ZNF474: variants seen among roughly 807,000 people sequenced by gnomAD.
The protein encoded by ZNF474 is zinc finger protein 474, also known as 4933409D10Rik.
For synonymous variants in ZNF474, 192 were observed against 162.2 expected, an observed-to-expected ratio of 1.18 and a Z score of -1.39; for missense variants, 511 against 433.8, an observed-to-expected ratio of 1.18 and a Z score of -1.58.
chr5:122,150,724 T>C (rs1436827184), intron 1 of ZNF474, among the ~76,000 whole-genome samples: 2 of 152,206 alleles, frequency 1.3e-5, no homozygotes, highest in African/African-American at 4.8e-5. Context: ...AATATACAAA[T>C]TTAAGATTCT....
At chr5:122,133,893 A>G (rs1755637523) in intron 1 of ZNF474, among the ~76,000 whole-genome samples, 1 of 152,178 alleles carries the variant, frequency 6.6e-6, no homozygotes, top group Non-Finnish European at 1.5e-5. Flanking sequence ...CTTATCTATT[A>G]TTTCTAAGAG....
At chr5:122,146,233 C>A (rs891681722) in intron 1 of ZNF474, among the ~76,000 whole-genome samples, 2 of 152,112 alleles carry the variant, frequency 1.3e-5, no homozygotes, top group African/African-American at 4.8e-5. Flanking sequence ...GTACCCATAT[C>A]ATAAAGCTAA....
chr5:122,148,563 A>G (rs939009932), intron 1 of ZNF474, among the ~76,000 whole-genome samples: 4 of 152,032 alleles, frequency 2.6e-5, no homozygotes, highest in African/African-American at 9.7e-5. Context: ...GACAGACAAA[A>G]CACATCATTC....
intron 1 of ZNF474, among the ~76,000 whole-genome samples, chr5:122,143,923 T>C (rs1755917719): frequency 6.6e-6 from 1 of 152,198 alleles, no homozygotes; most frequent in Non-Finnish European, 1.5e-5. Context: ...CTCCAAAAAG[T>C]TTAGGTGATC....
At chr5:122,147,390 T>C (rs1194122262) in intron 1 of ZNF474, among the ~76,000 whole-genome samples, 3 of 152,240 alleles carry the variant, frequency 2.0e-5, no homozygotes, top group Admixed American at 2.0e-4. Context: ...GATTTTTTTA[T>C]ATACTTTAAG....
intron 1 of ZNF474, among the ~76,000 whole-genome samples, chr5:122,135,795 G>T (rs1755685265): frequency 6.6e-6 from 1 of 152,120 alleles, no homozygotes; most frequent in South Asian, 2.1e-4. Flanking sequence ...ATACTCAATG[G>T]AATATTATTC....
Position 122,151,818 on chromosome 5 carries a change from A to T in ZNF474, c.-173A>T, listed in dbSNP as rs1404305093. On this transcript the variant is annotated 5_prime_UTR_variant, in exon 2 of 2. Coordinates refer to ENST00000296600, the MANE Select transcript of ZNF474 (RefSeq NM_207317.3). ...TCAGCTTTAATGAGGACTTTCCAACATTCCAGACTGCCGTCCTGCAATGAA... is the reference window on the plus strand; with the variant it reads ...TCAGCTTTAATGAGGACTTTCCAACTTTCCAGACTGCCGTCCTGCAATGAA... 2.3e-5 allele frequency: 17 copies of T among 739,690 alleles called. No individual in the cohort carries two copies. The highest frequency in any genetic ancestry group is 8.0e-4 in the Middle Eastern group (2 of 2,492). The allele number at this position is 739,690 out of a possible 1,614,324, so 45.8% of individuals were successfully genotyped here. A position where few individuals can be genotyped will look rare whatever the true frequency, so the allele number is the denominator to read the frequency against.
intron 1 of ZNF474, among the ~76,000 whole-genome samples, chr5:122,137,339 T>C (rs557230494): frequency 4.0e-5 from 6 of 148,770 alleles, no homozygotes; most frequent in Non-Finnish European, 7.4e-5. Flanking sequence ...TCTCAGCTAC[T>C]TGGGAGGCTG....
At position 122,153,363 on chromosome 5, in the gene ZNF474, A is replaced by C; in HGVS notation, c.*278A>C. 1 of 403,948 alleles carries C rather than the reference A, an allele frequency of 2.5e-6. No individual in the cohort carries two copies. Among genetic ancestry groups the C allele is most frequent in the Non-Finnish European group, 4.5e-6 (1 of 219,832 alleles). The allele number at this position is 403,948 out of a possible 1,614,324, so 25.0% of individuals were successfully genotyped here. ...TGGGAGAGACAGTAATTTGAAAATG[A>C]GTCATTAATGCTGTGTCTACATTAC... On this transcript the variant is annotated 3_prime_UTR_variant, in exon 2 of 2. Transcript: ENST00000296600.
intron 1 of ZNF474, among the ~76,000 whole-genome samples, chr5:122,143,558 C>G (rs1316494015): frequency 6.6e-6 from 1 of 152,066 alleles, no homozygotes; most frequent in East Asian, 1.9e-4. Context: ...CATTCTAGGT[C>G]GAGAAGGGGC....
chr5:122,135,639 G>A (rs1340357293), intron 1 of ZNF474, among the ~76,000 whole-genome samples: 5 of 152,044 alleles, frequency 3.3e-5, no homozygotes, highest in African/African-American at 9.7e-5. Flanking sequence ...TAACTGCTGG[G>A]TATATAGCCA....
At chr5:122,129,896 A>C (rs779578514) in intron 1 of ZNF474, among the ~76,000 whole-genome samples, 4 of 152,344 alleles carry the variant, frequency 2.6e-5, no homozygotes, top group Middle Eastern at 3.4e-3. Context: ...CTTAAGTGAA[A>C]AATCTCAAGT....
At chr5:122,149,003 T>C (rs1358142316) in intron 1 of ZNF474, among the ~76,000 whole-genome samples, 1 of 152,116 alleles carries the variant, frequency 6.6e-6, no homozygotes, top group Non-Finnish European at 1.5e-5. Flanking sequence ...GTGCTGGGAT[T>C]ACAGGCATGA....
intron 1 of ZNF474, among the ~76,000 whole-genome samples, chr5:122,140,986 C>T (rs1001459087): frequency 6.6e-6 from 1 of 152,096 alleles, no homozygotes; most frequent in African/African-American, 2.4e-5. Context: ...AATGGGGTTA[C>T]ACACAAGTGT....
intron 1 of ZNF474, among the ~76,000 whole-genome samples, chr5:122,147,699 T>C (rs1478648419): frequency 6.6e-6 from 1 of 152,194 alleles, no homozygotes; most frequent in Non-Finnish European, 1.5e-5. Flanking sequence ...GCAAAGGACA[T>C]GAACTCATCC....
At chr5:122,143,691 T>A (rs1166152604) in intron 1 of ZNF474, among the ~76,000 whole-genome samples, 1 of 152,168 alleles carries the variant, frequency 6.6e-6, no homozygotes, top group Non-Finnish European at 1.5e-5. Context: ...GAAGCATAAT[T>A]CTCTTATAAA....
chr5:122,151,697 C>A, intron 1 of ZNF474, 82 bp from the exon 2 acceptor site: 1 of 188,404 alleles, frequency 5.3e-6, no homozygotes, highest in Admixed American at 5.9e-5. Flanking sequence ...ACACACAAAA[C>A]AACCTAAATG....
chr5:122,137,085 A>G (rs1356943030), intron 1 of ZNF474, among the ~76,000 whole-genome samples: 1 of 152,204 alleles, frequency 6.6e-6, no homozygotes, highest in African/African-American at 2.4e-5. Flanking sequence ...ATCACTGAAC[A>G]TAACTATGAT....
chr5:122,150,285 A>G (rs1756130956), intron 1 of ZNF474, among the ~76,000 whole-genome samples: 1 of 152,164 alleles, frequency 6.6e-6, no homozygotes, highest in African/African-American at 2.4e-5. Context: ...GCCAACACAT[A>G]CTTTTCCCAC....
Sources: allele counts gnomAD v4.1 joint callset (sites outside exome capture counted in the v4.1 genomes callset), GRCh38; gene constraint gnomAD v4.1.1; transcripts MANE v1.5; gene names NCBI Gene and HGNC (gene_info 2026-07-23, HGNC 2026-07-21).